The following HMGCLL1 variants were observed in gnomAD, a reference collection of about 807,000 sequenced individuals.
HMGCLL1 encodes 3-hydroxymethyl-3-methylglutaryl-CoA lyase, cytoplasmic.
A neutral mutation model predicts 39.1 loss-of-function variants in HMGCLL1; 36 were observed. The ratio of observed to expected loss-of-function variants is 0.92; its 90% CI spans 0.71 to 1.22. The LOEUF (loss-of-function observed/expected upper bound fraction) is 1.22. Among genes scored for constraint, HMGCLL1 ranks in the 50% most tolerant of loss-of-function variants. HMGCLL1 has a pLI of 0.00. For missense variants in HMGCLL1, 451 were observed against 416.5 expected (o/e 1.08, Z -0.72); for synonymous variants, 149 against 144.0 (o/e 1.03, Z -0.25).
At chr6:55,494,198 G>C (rs761967137) in intron 7 of HMGCLL1, among the ~76,000 whole-genome samples, 12 of 152,096 alleles carry the variant, frequency 7.9e-5, no homozygotes, top group Admixed American at 5.9e-4. Context: ...CCCAGATCTT[G>C]TTCTATAGCC....
At chr6:55,493,329 T>G (rs1036674987) in intron 7 of HMGCLL1, among the ~76,000 whole-genome samples, 14 of 152,246 alleles carry the variant, frequency 9.2e-5, no homozygotes, top group African/African-American at 3.1e-4. Context: ...GGATGGATCT[T>G]TTGCTGATTC....
the HMGCLL1 span, among the ~76,000 whole-genome samples, chr6:55,589,491 C>T: frequency 6.6e-6 from 1 of 152,096 alleles, no homozygotes; most frequent in South Asian, 2.1e-4. Flanking sequence ...AAAACTGGCA[C>T]AAGACAGGGA....
At chr6:55,487,127 T>C (rs769297819) in intron 7 of HMGCLL1, among the ~76,000 whole-genome samples, 16 of 152,024 alleles carry the variant, frequency 1.1e-4, no homozygotes, top group Non-Finnish European at 1.8e-4. Context: ...CCCTCATCAT[T>C]TTTCACCAGG....
At chr6:55,580,752 A>G (rs1410181242), upstream of HMGCLL1, among the ~76,000 whole-genome samples, 1 of 152,112 alleles carries the variant, frequency 6.6e-6, no homozygotes, top group Non-Finnish European at 1.5e-5. Flanking sequence ...GAACTGCTAA[A>G]GTGAAGTTAT....
At chr6:55,546,970 A>G (rs936052871) in intron 1 of HMGCLL1, among the ~76,000 whole-genome samples, 5 of 152,034 alleles carry the variant, frequency 3.3e-5, no homozygotes, top group African/African-American at 1.2e-4. Context: ...GTAACAATAA[A>G]AGAAATACTA....
At chr6:55,485,396 G>A (rs1002814516) in intron 7 of HMGCLL1, among the ~76,000 whole-genome samples, 1 of 151,916 alleles carries the variant, frequency 6.6e-6, no homozygotes, top group Admixed American at 6.6e-5. Context: ...TTTTTATCGT[G>A]GCTGTGTGCC....
At chr6:55,516,653 C>A in intron 3 of HMGCLL1, 50 bp from the exon 4 acceptor site, 1 of 1,227,978 alleles carries the variant, frequency 8.1e-7, no homozygotes, top group South Asian at 1.4e-5. Flanking sequence ...AATATGTTAC[C>A]GAGAATCATT....
At chr6:55,558,630 C>A (rs1265881417) in intron 1 of HMGCLL1, among the ~76,000 whole-genome samples, 1 of 152,088 alleles carries the variant, frequency 6.6e-6, no homozygotes, top group African/African-American at 2.4e-5. Context: ...AATATGATGA[C>A]CAATAACAAT....
At chr6:55,567,353 A>G (rs915703880) in intron 1 of HMGCLL1, among the ~76,000 whole-genome samples, 1 of 152,112 alleles carries the variant, frequency 6.6e-6, no homozygotes, top group Non-Finnish European at 1.5e-5. Flanking sequence ...GATTAGATAG[A>G]TGGATGAATA....
upstream of HMGCLL1, among the ~76,000 whole-genome samples, chr6:55,582,318 A>T (rs142057085): frequency 1.3e-5 from 2 of 152,260 alleles, no homozygotes; most frequent in East Asian, 3.9e-4. Flanking sequence ...GCAGCCAGCA[A>T]ATGTTAGCTA....
intron 1 of HMGCLL1, among the ~76,000 whole-genome samples, chr6:55,563,287 G>A (rs1460005760): frequency 6.6e-6 from 1 of 152,012 alleles, no homozygotes; most frequent in Admixed American, 6.6e-5. Context: ...CAAGGGGTGG[G>A]AGGAATTAAA....
chr6:55,633,997 A>T, the HMGCLL1 span, among the ~76,000 whole-genome samples: 1 of 152,042 alleles, frequency 6.6e-6, no homozygotes, highest in Admixed American at 6.6e-5. Context: ...TTGTATTCTT[A>T]TATCATATTA....
intron 7 of HMGCLL1, among the ~76,000 whole-genome samples, chr6:55,450,621 T>C (rs1764039023): frequency 6.6e-6 from 1 of 151,318 alleles, no homozygotes; most frequent in African/African-American, 2.4e-5. Flanking sequence ...AAGAAGAGAG[T>C]TGAGGAAGAA....
chr6:55,496,965 T>A (rs1766613387), intron 6 of HMGCLL1, among the ~76,000 whole-genome samples: 1 of 152,142 alleles, frequency 6.6e-6, no homozygotes, highest in African/African-American at 2.4e-5. Context: ...TCAACTATAT[T>A]AAGTTCAGCT....
chr6:55,474,653 T>A (rs550813751), intron 7 of HMGCLL1, among the ~76,000 whole-genome samples: 1 of 151,600 alleles, frequency 6.6e-6, no homozygotes, highest in South Asian at 2.1e-4. Flanking sequence ...CTCTTCAGGC[T>A]GTATTTTTTA....
chr6:55,553,248 C>CGTGTGTGT (rs70986735), intron 1 of HMGCLL1, among the ~76,000 whole-genome samples: 8,890 of 143,546 alleles, frequency 0.062, 403 homozygotes, highest in African/African-American at 0.14. Flanking sequence ...TACATATATA[C>CGTGTGTGT]GTGTGTGTGT....
chr6:55,549,427 C>T (rs1770193651), intron 1 of HMGCLL1, among the ~76,000 whole-genome samples: 2 of 147,582 alleles, frequency 1.4e-5, no homozygotes, highest in African/African-American at 5.0e-5. Context: ...TTTGGTAAAG[C>T]TTAATTTTCT....
In HMGCLL1 at chr6:55,477,265, TATA is replaced by T. The variant is rs1220903270; in HGVS notation, c.795+18151_795+18153del. Reference sequence around the variant, plus strand: ...TTTATATAATATATAATATATATTATATAATATATATTATATATTATATATAAA... The same window carrying T: ...TTTATATAATATATAATATATATTATATATATATTATATATTATATATAAA... On this transcript the variant is annotated intron_variant, in intron 7 of 8. Transcript: ENST00000274901. 2.8e-4 allele frequency among the ~76,000 whole-genome samples: 6 copies of T among 21,334 alleles called. 1 individual carries two copies. Among genetic ancestry groups the T allele is most frequent in the African/African-American group, 2.4e-3 (5 of 2,092 alleles). 14.0% of individuals were successfully genotyped at this position (21,334 alleles called of 152,430 possible).
At chr6:55,632,568 ATCTGT>A in the HMGCLL1 span, among the ~76,000 whole-genome samples, 1 of 151,846 alleles carries the variant, frequency 6.6e-6, no homozygotes, top group East Asian at 1.9e-4. Flanking sequence ...ACTAGAACAG[ATCTGT>A]TCTGTTTCAG....
Sources: gnomAD v4.1 joint callset for allele counts (sites outside exome capture counted in the v4.1 genomes callset) on GRCh38, gnomAD v4.1.1 for gene constraint, MANE v1.5 for transcripts, NCBI Gene and HGNC (gene_info 2026-07-23, HGNC 2026-07-21) for gene names.